The following KLF7 variants were observed in gnomAD, a reference collection of about 807,000 sequenced individuals.
KLF7 encodes KLF transcription factor 7.
Under a neutral mutation model 27.3 loss-of-function variants are expected in KLF7, and 2 were observed. The ratio of observed to expected loss-of-function variants is 0.07; its 90% confidence interval spans 0.03 to 0.23. The LOEUF is 0.23. KLF7 is among the 10% of genes least tolerant of loss of function. The pLI is 1.00. For synonymous variants in KLF7, 165 were observed against 162.4 expected, an observed-to-expected ratio of 1.02 and a Z score of -0.12; for missense variants, 221 against 394.1, an observed-to-expected ratio of 0.56 and a Z score of 3.72.
At chr2:207,159,223 C>T (rs539648844) in intron 1 of KLF7, among the ~76,000 whole-genome samples, 120 of 152,332 alleles carry the variant, frequency 7.9e-4, no homozygotes, top group African/African-American at 2.7e-3. Context: ...GACATGGGCA[C>T]TGTTTCCTGG....
intron 2 of KLF7, among the ~76,000 whole-genome samples, chr2:207,099,394 T>C (rs1036395476): frequency 6.6e-6 from 1 of 151,798 alleles, no homozygotes; most frequent in Non-Finnish European, 1.5e-5. Context: ...CAGGGACCCA[T>C]GGTGGTCACC....
chr2:207,080,518 G>T lies in KLF7; in HGVS notation c.*695C>A. On this transcript the variant is annotated 3_prime_UTR_variant, in exon 4 of 4. Transcript: ENST00000309446. Reference sequence around the variant, plus strand: ...AGAAATGCAGGCCAGAAAGGTGTAAGGTGTTATTCCAGTCTGCCGCCGCTA... The same window carrying T: ...AGAAATGCAGGCCAGAAAGGTGTAATGTGTTATTCCAGTCTGCCGCCGCTA... The T allele has an allele frequency of 4.0e-6, 1 of 253,084 alleles. No homozygotes were observed. The highest frequency in any genetic ancestry group is 7.5e-6 in the Non-Finnish European group (1 of 134,118). The allele number at this position is 253,084 out of a possible 1,614,324, so 15.7% of individuals were successfully genotyped here. A position where few individuals can be genotyped will look rare whatever the true frequency, so the allele number is the denominator to read the frequency against.
At chr2:207,137,009 C>T (rs912863634) in intron 1 of KLF7, among the ~76,000 whole-genome samples, 4 of 152,132 alleles carry the variant, frequency 2.6e-5, no homozygotes, top group Admixed American at 6.6e-5. Context: ...TTCAAATAGA[C>T]ACAAAGAGGG....
intron 1 of KLF7, among the ~76,000 whole-genome samples, chr2:207,133,460 GGA>G (rs918733649): frequency 2.6e-5 from 4 of 152,202 alleles, no homozygotes; most frequent in African/African-American, 9.6e-5. Flanking sequence ...TGCTCCAAAA[GGA>G]GAGGACTCTA....
rs2078682763 is a variant in KLF7 at position 207,165,579 on chromosome 2, C to T, written c.-11G>A. On this transcript the variant is annotated 5_prime_UTR_variant, in exon 1 of 4. Transcript: ENST00000309446. ...AGCCAACACGTCCATGCTGCTGCTGCCGGGCAAAACGGGAGGCGAAACCCT... is the reference window on the plus strand; with the variant it reads ...AGCCAACACGTCCATGCTGCTGCTGTCGGGCAAAACGGGAGGCGAAACCCT... The T allele has an allele frequency of 1.9e-6, 3 of 1,613,214 alleles. No individual in the cohort carries two copies. The highest frequency in any genetic ancestry group is 2.5e-6 in the Non-Finnish European group (3 of 1,180,008).
At chr2:207,093,436 G>T (rs548203856) in intron 2 of KLF7, among the ~76,000 whole-genome samples, 89 of 151,930 alleles carry the variant, frequency 5.9e-4, no homozygotes, top group Non-Finnish European at 1.0e-3. Context: ...CCTTTGCACT[G>T]GCTCCTCGCT....
intron 2 of KLF7, among the ~76,000 whole-genome samples, chr2:207,114,928 T>A (rs1227892225): frequency 6.6e-6 from 1 of 152,118 alleles, no homozygotes; most frequent in African/African-American, 2.4e-5. Flanking sequence ...TCTTTTTACA[T>A]TATTTGCCTG....
intron 2 of KLF7, among the ~76,000 whole-genome samples, chr2:207,098,809 G>A (rs1042495001): frequency 2.6e-5 from 3 of 116,754 alleles, no homozygotes; most frequent in African/African-American, 6.6e-5. Flanking sequence ...TTGTAGAGAC[G>A]ATGCCTCCCA....
intron 2 of KLF7, among the ~76,000 whole-genome samples, chr2:207,092,539 T>C (rs1286340647): frequency 2.6e-5 from 4 of 152,236 alleles, no homozygotes; most frequent in Non-Finnish European, 5.9e-5. Context: ...TATAGCCAGA[T>C]GAGGGCTCGT....
chr2:207,102,217 T>C (rs945886390), intron 2 of KLF7, among the ~76,000 whole-genome samples: 4 of 151,354 alleles, frequency 2.6e-5, no homozygotes, highest in South Asian at 2.1e-4. Flanking sequence ...CACCCACATA[T>C]GTAGAAACAC....
At chr2:207,136,303 T>C (rs2077787505) in intron 1 of KLF7, among the ~76,000 whole-genome samples, 1 of 152,208 alleles carries the variant, frequency 6.6e-6, no homozygotes, top group South Asian at 2.1e-4. Flanking sequence ...CTACATGATC[T>C]GACCTTACTC....
chr2:207,168,888 CACAAGAGA>C (rs2106168259), upstream of KLF7, among the ~76,000 whole-genome samples: 1 of 152,324 alleles, frequency 6.6e-6, no homozygotes, highest in African/African-American at 2.4e-5. Flanking sequence ...AAATTAAGAT[CACAAGAGA>C]ACTTTGGCAG....
intron 2 of KLF7, among the ~76,000 whole-genome samples, chr2:207,105,109 T>C (rs2076851863): frequency 6.6e-6 from 1 of 152,154 alleles, no homozygotes; most frequent in Admixed American, 6.5e-5. Flanking sequence ...TTTCATTCCG[T>C]CACCTTCTCA....
chr2:207,099,053 A>G (rs1382001903), intron 2 of KLF7, among the ~76,000 whole-genome samples: 1 of 152,212 alleles, frequency 6.6e-6, no homozygotes, highest in Non-Finnish European at 1.5e-5. Context: ...CCACTAAATC[A>G]GAAGTATACC....
chr2:207,097,502 G>C (rs2076659899), intron 2 of KLF7, among the ~76,000 whole-genome samples: 2 of 152,198 alleles, frequency 1.3e-5, no homozygotes, highest in African/African-American at 4.8e-5. Flanking sequence ...AAGGCACAGG[G>C]CTTCTCTATA....
intron 2 of KLF7, among the ~76,000 whole-genome samples, chr2:207,101,110 A>G (rs1044437291): frequency 6.6e-6 from 1 of 152,244 alleles, no homozygotes; most frequent in Non-Finnish European, 1.5e-5. Flanking sequence ...ATCTCTGTCC[A>G]TGGGTAAACA....
At chr2:207,128,674 T>C (rs1379363284) in intron 1 of KLF7, among the ~76,000 whole-genome samples, 1 of 152,230 alleles carries the variant, frequency 6.6e-6, no homozygotes, top group Non-Finnish European at 1.5e-5. Context: ...ACCCCTGATA[T>C]GATAAGCTGA....
chr2:207,088,166 T>C (rs2076434100), intron 3 of KLF7, among the ~76,000 whole-genome samples: 1 of 152,230 alleles, frequency 6.6e-6, no homozygotes, highest in African/African-American at 2.4e-5. Context: ...CATATTATAC[T>C]AAAGTTATCT....
chr2:207,102,126 T>TCACATTCA (rs1553522216), intron 2 of KLF7, among the ~76,000 whole-genome samples: 1 of 141,172 alleles, frequency 7.1e-6, no homozygotes, highest in Non-Finnish European at 1.6e-5. Flanking sequence ...ACATTCACAT[T>TCACATTCA]CACACACACA....
Sources: gnomAD v4.1 joint callset for allele counts (sites outside exome capture counted in the v4.1 genomes callset) on GRCh38, gnomAD v4.1.1 for gene constraint, MANE v1.5 for transcripts, NCBI Gene and HGNC (gene_info 2026-07-23, HGNC 2026-07-21) for gene names.